ADAMTS13: variants seen among roughly 807,000 people sequenced by gnomAD.
The protein encoded by ADAMTS13 is A disintegrin and metalloproteinase with thrombospondin motifs 13.
A neutral mutation model predicts 155.1 loss-of-function variants in ADAMTS13; 110 were observed. The observed-to-expected ratio is 0.71, with a 90% CI of 0.61 to 0.83. The LOEUF (loss-of-function observed/expected upper bound fraction) is 0.83, where lower values mean the gene tolerates loss of function less well. ADAMTS13 is among the 40% of genes least tolerant of loss of function. ADAMTS13 has a pLI of 0.00. For synonymous variants in ADAMTS13, 758 were observed against 756.4 expected (o/e 1.00, Z -0.03); for missense variants, 1,707 against 1,891.7 (o/e 0.90, Z 1.81).
rs200967661 is a variant in ADAMTS13, at chr9:133,433,340, A to G, written c.1093-38A>G. 21 of 1,610,836 alleles carry G rather than the reference A, an allele frequency of 1.3e-5. No homozygotes were observed. In the East Asian group the frequency reaches 4.7e-4, roughly 36 times the overall value. The stretch of plus-strand genomic sequence containing the variant: ...GTGTTGGGAGTCCTGTGGTGGGGTC[A>G]CTGTGGGATGGGAGATGAAGCCATC... On this transcript the variant is annotated intron_variant, in intron 9 of 28. Transcript: ENST00000355699.
Position 133,445,071 on chromosome 9 carries a change from A to C in ADAMTS13, c.2610+19A>C, listed in dbSNP as rs781923932. 44 of 1,610,150 alleles carry C rather than the reference A, an allele frequency of 2.7e-5. No individual in the cohort carries two copies. Among genetic ancestry groups the C allele is most frequent in the Non-Finnish European group, 3.7e-5 (44 of 1,179,176 alleles). On this transcript the variant is annotated intron_variant, in intron 20 of 28. Transcript: ENST00000355699. This position sits in a 1 kb window ranked among gnomAD's most constrained non-coding sequence, Gnocchi z 5.0. ...GGGCCATGTGAGTGCCCTGGGCATG[A>C]GGGTGGCTGGGGCTGTTGAGTCCTT...
In ADAMTS13 at chr9:133,439,402, C is replaced by T; in HGVS notation, c.1742C>T (p.Thr581Ile). 6.2e-7 allele frequency: 1 copy of T among 1,614,098 alleles called. No homozygotes were observed. Among genetic ancestry groups the T allele is most frequent in the Non-Finnish European group, 8.5e-7 (1 of 1,179,928 alleles). Reference sequence around the variant, plus strand: ...TTTCTGACAGTTACCCCCAACCTGACCAGTGTCTACATTGCCAACCACAGG... The same window carrying T: ...TTTCTGACAGTTACCCCCAACCTGATCAGTGTCTACATTGCCAACCACAGG... The part of the protein sequence containing the change: ...VTFLTVTPNL[T>I]SVYIANHRPL... The change falls in exon 15 of 29, where the codon ACC (threonine) becomes ATC (isoleucine). Residue 581 changes from threonine (T) to isoleucine (I), a missense_variant. By Grantham distance (89) the Thr-to-Ile change is moderately conservative (BLOSUM62 -1). Coordinates refer to ENST00000355699, the MANE Select transcript of ADAMTS13 (RefSeq NM_139027.6).
chr9:133,444,880 C>G lies in ADAMTS13; in HGVS notation c.2438C>G (p.Pro813Arg), dbSNP rs782279427. Residue 813 changes from proline (P) to arginine (R), a missense_variant, in exon 20 of 29, where the codon CCC becomes CGC. Physicochemically the swap from Pro to Arg is moderately radical, Grantham distance 103 (BLOSUM62 -2). Transcript: ENST00000355699. ...PCPARWEVSEPSSCTSAGGAG... is the reference protein window; with the variant it reads ...PCPARWEVSERSSCTSAGGAG... ...ATCCTCAGGTGGGAGGTGTCAGAGC[C>G]CAGCTCATGCACATCAGCTGGTGGA... 3.7e-6 allele frequency: 6 copies of G among 1,612,936 alleles called. No homozygotes were observed. Among genetic ancestry groups the G allele is most frequent in the African/African-American group, 1.3e-5 (1 of 74,918 alleles).
intron 22 of ADAMTS13, among the ~76,000 whole-genome samples, chr9:133,449,141 G>A (rs1386814976): frequency 6.6e-6 from 1 of 152,192 alleles, no homozygotes; most frequent in Non-Finnish European, 1.5e-5. Context: ...TGCAATGAGT[G>A]TAAAATGCAT....
intron 6 of ADAMTS13, among the ~76,000 whole-genome samples, chr9:133,426,711 G>T (rs917245198): frequency 3.3e-5 from 5 of 151,778 alleles, no homozygotes; most frequent in African/African-American, 9.7e-5. Flanking sequence ...TTTCTTATTT[G>T]CAAAATTGGG....
chr9:133,450,018 C>G, intron 23 of ADAMTS13, 53 bp downstream of exon 23: 1 of 1,540,174 alleles, frequency 6.5e-7, no homozygotes, highest in South Asian at 1.2e-5. Context: ...AGATGCCAGG[C>G]CAGGCGCTGT....
chr9:133,442,106 T>A (rs1841712165), intron 16 of ADAMTS13, among the ~76,000 whole-genome samples: 1 of 152,136 alleles, frequency 6.6e-6, no homozygotes, highest in African/African-American at 2.4e-5. Context: ...GGTGATTGCT[T>A]CCCGTTATTT....
chr9:133,430,525 C>T (rs997724557), intron 8 of ADAMTS13, among the ~76,000 whole-genome samples: 3 of 152,136 alleles, frequency 2.0e-5, no homozygotes, highest in African/African-American at 7.2e-5. Flanking sequence ...GAGCAGGCAC[C>T]CCAAAAGACA....
At chr9:133,439,285 G>T (rs768476380) in intron 14 of ADAMTS13, 81 bp from the exon 15 acceptor site, 14 of 1,143,078 alleles carry the variant, frequency 1.2e-5, no homozygotes, top group South Asian at 2.5e-5. Flanking sequence ...AATTTTTCCC[G>T]ACCAGCTAAG....
At position 133,429,796 on chromosome 9, in the gene ADAMTS13, G is replaced by A. The variant is rs1452716377; in HGVS notation, c.825-143G>A. Reference sequence around the variant, plus strand: ...CCAGCCAAGAGCCGGCTCCTGGTGGGGGGCGCGGGCCGAGAACTCCTGTTC... The same window carrying A: ...CCAGCCAAGAGCCGGCTCCTGGTGGAGGGCGCGGGCCGAGAACTCCTGTTC... On this transcript the variant is annotated intron_variant, in intron 7 of 28. Transcript: ENST00000355699. 5.0e-5 allele frequency: 58 copies of A among 1,150,244 alleles called. No individual in the cohort carries two copies. In the East Asian group the frequency reaches 1.5e-3, roughly 29 times the overall value. 71.3% of individuals were successfully genotyped at this position (1,150,244 alleles called of 1,614,324 possible).
At chr9:133,454,305 G>C in intron 23 of ADAMTS13, 110 bp from the exon 24 acceptor site, 4 of 1,343,262 alleles carry the variant, frequency 3.0e-6, no homozygotes, top group Non-Finnish European at 3.2e-6. Context: ...CCTGGCCACG[G>C]AAGCTGTCTA....
rs782564253 is a variant in ADAMTS13, at chr9:133,426,067, C to T, written c.539+5C>T. The T allele has an allele frequency of 3.1e-6, 5 of 1,613,874 alleles. No homozygotes were observed. The African/African-American group carries it at 5.3e-5, about 17-fold the overall frequency. On this transcript the variant is annotated splice_donor_5th_base_variant and intron_variant, in intron 5 of 28. Coordinates refer to ENST00000355699, the MANE Select transcript of ADAMTS13 (RefSeq NM_139027.6). ...CCTGGTCCTCTATATCACTAGGTAG[C>T]CGAGCTTTCTGATGGGTGCTGGCCA...
chr9:133,443,626 C>A, intron 19 of ADAMTS13, 65 bp downstream of exon 19: 1 of 1,442,032 alleles, frequency 6.9e-7, no homozygotes, highest in East Asian at 2.5e-5. Flanking sequence ...CTGCGCTGAG[C>A]CCCCATCCTT....
upstream of ADAMTS13, among the ~76,000 whole-genome samples, chr9:133,419,090 T>A (rs587636014): frequency 3.9e-5 from 6 of 152,256 alleles, no homozygotes; most frequent in African/African-American, 1.2e-4. Flanking sequence ...TCCATCCGCC[T>A]CGGCCTCCCA....
chr9:133,453,244 G>C (rs1842545463), intron 23 of ADAMTS13, among the ~76,000 whole-genome samples: 2 of 152,294 alleles, frequency 1.3e-5, no homozygotes, highest in South Asian at 4.1e-4. Flanking sequence ...AGACCATCCT[G>C]GCTAACACGG....
intron 9 of ADAMTS13, among the ~76,000 whole-genome samples, chr9:133,433,064 G>A (rs1489603205): frequency 2.7e-5 from 4 of 148,300 alleles, no homozygotes; most frequent in Non-Finnish European, 6.0e-5. Flanking sequence ...GAGGATCCCT[G>A]TGTGTTGAGG....
At chr9:133,442,873 T>C in intron 18 of ADAMTS13, 130 bp downstream of exon 18, 1 of 1,387,328 alleles carries the variant, frequency 7.2e-7, no homozygotes, top group East Asian at 2.5e-5. Context: ...AGGCTCTCAT[T>C]ACCCCTGCCC....
rs971277672 is a variant in ADAMTS13 at position 133,449,263 on chromosome 9, G to A, written c.2862-520G>A. ...GCTCTTTATGGAGCACCTAGGCCCC[G>A]GGGCCGTCCTGGAGCTAGGGGACAC... On this transcript the variant is annotated intron_variant, in intron 22 of 28. Transcript: ENST00000355699. Among the ~76,000 whole-genome samples, 19 of 152,220 alleles carry A rather than the reference G, an allele frequency of 1.2e-4. No individual in the cohort carries two copies. The South Asian group carries it at 3.5e-3, about 28-fold the overall frequency.
chr9:133,449,969 A>G lies in ADAMTS13; in HGVS notation c.3044+4A>G. On this transcript the variant is annotated splice_donor_region_variant and intron_variant, in intron 23 of 28. Transcript: ENST00000355699. ...GCCTGGAGCCCTGCCCACCTAGGTG[A>G]GTCAGCCGGTGATGGGAGGGGCAGC... is the stretch of plus-strand genomic sequence containing the variant. The G allele has an allele frequency of 6.3e-7, 1 of 1,594,390 alleles. No homozygotes were observed. Among genetic ancestry groups the G allele is most frequent in the Non-Finnish European group, 8.5e-7 (1 of 1,172,828 alleles).
Sources: allele counts gnomAD v4.1 joint callset (sites outside exome capture counted in the v4.1 genomes callset), GRCh38; gene constraint gnomAD v4.1.1; non-coding constraint Gnocchi (gnomAD v3.1); transcripts MANE v1.5; gene names NCBI Gene and HGNC (gene_info 2026-07-23, HGNC 2026-07-21).